Variants in SOX6 observed in about 807,000 individuals in gnomAD.
SOX6 encodes SRY-box transcription factor 6.
Under a neutral mutation model 97.8 loss-of-function variants are expected in SOX6, and 11 were observed. The ratio of observed to expected loss-of-function variants is 0.11; its 90% confidence interval spans 0.07 to 0.19. The LOEUF (loss-of-function observed/expected upper bound fraction) is 0.19. Among genes scored for constraint, SOX6 ranks in the 10% least tolerant of loss-of-function variants. The pLI, the probability that SOX6 is intolerant of heterozygous loss-of-function variation, is 1.00. For synonymous variants in SOX6, 360 were observed against 371.4 expected (o/e 0.97, Z 0.35); for missense variants, 810 against 1,039.5 (o/e 0.78, Z 3.04).
At chr11:16,398,660 A>T (rs1455529293) in intron 1 of SOX6, among the ~76,000 whole-genome samples, 1 of 150,494 alleles carries the variant, frequency 6.6e-6, no homozygotes, top group East Asian at 1.9e-4. Context: ...CTTACCCTAG[A>T]TTTTTTTTTC....
chr11:16,564,049 A>G (rs1847842573), intron 4 of SOX6, among the ~76,000 whole-genome samples: 1 of 152,168 alleles, frequency 6.6e-6, no homozygotes, highest in Non-Finnish European at 1.5e-5. Flanking sequence ...AACATTCTCA[A>G]ATGAAGGAAA....
At chr11:16,118,728 G>T (rs573455896) in intron 6 of SOX6, among the ~76,000 whole-genome samples, 1 of 152,266 alleles carries the variant, frequency 6.6e-6, no homozygotes, top group South Asian at 2.1e-4. Context: ...CACTCAGGGG[G>T]CTCATTTTCT....
intron 1 of SOX6, among the ~76,000 whole-genome samples, chr11:16,349,355 G>A (rs992394458): frequency 6.6e-6 from 1 of 151,996 alleles, no homozygotes; most frequent in South Asian, 2.1e-4. Flanking sequence ...GGTGGCTCAT[G>A]CCTGTAATCC....
intron 6 of SOX6, among the ~76,000 whole-genome samples, chr11:16,132,484 G>GC (rs1849837626): frequency 6.8e-6 from 1 of 146,546 alleles, no homozygotes; most frequent in African/African-American, 2.5e-5. Context: ...AAGAAAGAAA[G>GC]AAAGAAAGAA....
intron 4 of SOX6, among the ~76,000 whole-genome samples, chr11:16,587,365 A>G (rs116683040): frequency 6.6e-6 from 1 of 152,196 alleles, no homozygotes; most frequent in Non-Finnish European, 1.5e-5. Context: ...TGTTGTGTAG[A>G]TTAAATAATA....
At chr11:16,383,267 T>C (rs1265149960) in intron 1 of SOX6, among the ~76,000 whole-genome samples, 2 of 151,830 alleles carry the variant, frequency 1.3e-5, no homozygotes, top group Non-Finnish European at 2.9e-5. Flanking sequence ...TACAGCAACA[T>C]CCCTATAACA....
intron 1 of SOX6, among the ~76,000 whole-genome samples, chr11:16,408,150 G>A (rs951075063): frequency 6.6e-6 from 1 of 152,130 alleles, no homozygotes; most frequent in African/African-American, 2.4e-5. Flanking sequence ...AAGCTAATAG[G>A]TCCATAGAAA....
intron 9 of SOX6, among the ~76,000 whole-genome samples, chr11:16,087,356 T>C (rs745517622): frequency 2.6e-5 from 4 of 152,172 alleles, no homozygotes; most frequent in Non-Finnish European, 5.9e-5. Context: ...ACATCAATTA[T>C]AGCTAAGAAT....
At chr11:16,322,532 TA>T in intron 2 of SOX6, among the ~76,000 whole-genome samples, 1 of 152,182 alleles carries the variant, frequency 6.6e-6, no homozygotes. Context: ...GAGAATGGTC[TA>T]AACCAATGTC....
intron 1 of SOX6, chr11:16,465,590 G>A (rs973163174): frequency 1.2e-4 from 18 of 152,126 alleles, no homozygotes; most frequent in Non-Finnish European, 2.4e-4. Context: ...TCTATATTCT[G>A]CCCAACACAG....
chr11:16,316,023 T>C (rs1400978627), intron 3 of SOX6: 1 of 152,120 alleles, frequency 6.6e-6, no homozygotes, highest in African/African-American at 2.4e-5. Context: ...CTTCTAGTGA[T>C]GCTGACTGAA....
chr11:16,385,830 G>GA, intron 1 of SOX6, among the ~76,000 whole-genome samples: 1 of 152,268 alleles, frequency 6.6e-6, no homozygotes, highest in South Asian at 2.1e-4. Flanking sequence ...GTCCAAAGGA[G>GA]AAAAATATGT....
intron 4 of SOX6, among the ~76,000 whole-genome samples, chr11:16,205,331 C>T (rs568277005): frequency 2.6e-5 from 4 of 151,954 alleles, no homozygotes; most frequent in African/African-American, 9.7e-5. Context: ...GACTTCAATG[C>T]CCATCACTGA....
At chr11:16,331,729 C>T (rs7936866) in intron 2 of SOX6, among the ~76,000 whole-genome samples, 22,759 of 152,124 alleles carry the variant, frequency 0.15, 1,883 homozygotes, top group Middle Eastern at 0.2. Context: ...CCTATCTCTA[C>T]GTACATTTCC....
At chr11:16,238,208 G>T (rs951489449) in intron 3 of SOX6, among the ~76,000 whole-genome samples, 3 of 151,872 alleles carry the variant, frequency 2.0e-5, no homozygotes, top group Non-Finnish European at 4.4e-5. Flanking sequence ...TTTAAGCAAG[G>T]ATGTAAACGT....
At chr11:15,984,577 T>C (rs1385233668) in intron 15 of SOX6, among the ~76,000 whole-genome samples, 1 of 152,262 alleles carries the variant, frequency 6.6e-6, no homozygotes, top group Non-Finnish European at 1.5e-5. Context: ...CCTCTAATTA[T>C]CAGCTGAATA....
chr11:16,562,764 A>G (rs549490883), intron 4 of SOX6, among the ~76,000 whole-genome samples: 6 of 152,258 alleles, frequency 3.9e-5, no homozygotes, highest in Middle Eastern at 3.4e-3. Context: ...GTGGAGAGTC[A>G]AAACTTTCAT....
chr11:16,255,653 C>A (rs2134205945), intron 3 of SOX6, among the ~76,000 whole-genome samples: 2 of 151,960 alleles, frequency 1.3e-5, no homozygotes, highest in African/African-American at 4.8e-5. Flanking sequence ...ATAAGCTGAG[C>A]CTCCACTTTA....
intron 3 of SOX6, among the ~76,000 whole-genome samples, chr11:16,635,666 T>A (rs1444715210): frequency 6.6e-6 from 1 of 152,070 alleles, no homozygotes; most frequent in Non-Finnish European, 1.5e-5. Flanking sequence ...ATCAGACACT[T>A]CACAGCTGCC....
Sources: gnomAD v4.1 joint callset for allele counts (sites outside exome capture counted in the v4.1 genomes callset) on GRCh38, gnomAD v4.1.1 for gene constraint, MANE v1.5 for transcripts, NCBI Gene and HGNC (gene_info 2026-07-23, HGNC 2026-07-21) for gene names.